Variants in SIRPB2 observed in about 807,000 individuals in gnomAD.
SIRPB2 encodes signal regulatory protein beta 2.
SIRPB2 carries 18 observed loss-of-function variants against 27.1 expected under a neutral mutation model. The ratio of observed to expected loss-of-function variants is 0.66; its 90% confidence interval spans 0.46 to 0.98. SIRPB2 has a LOEUF of 0.98. Among genes scored for constraint, SIRPB2 ranks in the 50% least tolerant of loss-of-function variants. SIRPB2 has a pLI of 0.00. For synonymous variants in SIRPB2, 150 were observed against 164.6 expected, an observed-to-expected ratio of 0.91 and a Z score of 0.68; for missense variants, 420 against 417.4, an observed-to-expected ratio of 1.01 and a Z score of -0.06.
At position 1,478,532 on chromosome 20, in the gene SIRPB2, A is replaced by T. The variant is rs2090633603; in HGVS notation, c.527T>A (p.Val176Asp). Residue 176 changes from valine to aspartate, a missense_variant, in exon 3 of 5, where the codon GTC becomes GAC. By Grantham distance (152) the Val-to-Asp change is radical (BLOSUM62 -3). Transcript: ENST00000359801. ...ELVLGTTGDTVFLNCTVLGDG... is the reference protein window; with the variant it reads ...ELVLGTTGDTDFLNCTVLGDG... ...TCCAAGCACTGTGCAGTTCAGAAAG[A>T]CAGTGTCTCCAGTGGTCCCCAACAC... The T allele has an allele frequency of 4.3e-6, 7 of 1,613,638 alleles. No homozygotes were observed. The highest frequency in any genetic ancestry group is 5.1e-6 in the Non-Finnish European group (6 of 1,179,740).
Position 1,478,521 on chromosome 20 carries a change from A to C in SIRPB2, c.538T>G (p.Cys180Gly), listed in dbSNP as rs972658893. 6.2e-7 allele frequency: 1 copy of C among 1,613,916 alleles called. No homozygotes were observed. The highest frequency in any genetic ancestry group is 8.5e-7 in the Non-Finnish European group (1 of 1,179,906). ...GGGGGACCGTCTCCAAGCACTGTGCAGTTCAGAAAGACAGTGTCTCCAGTG... is the reference window on the plus strand; with the variant it reads ...GGGGGACCGTCTCCAAGCACTGTGCCGTTCAGAAAGACAGTGTCTCCAGTG... Reference protein sequence around the residue: ...GTTGDTVFLNCTVLGDGPPGP... With the variant: ...GTTGDTVFLNGTVLGDGPPGP... Residue 180 changes from cysteine to glycine, a missense_variant, in exon 3 of 5, where the codon TGC becomes GGC. Physicochemically the swap from Cys to Gly is radical, Grantham distance 159. Transcript: ENST00000359801.
At position 1,479,843 on chromosome 20, in the gene SIRPB2, G is replaced by T. The variant is rs1315566488; in HGVS notation, c.308C>A (p.Ser103Ter). The part of the protein sequence containing the change: ...PGVMPMIQRT[S>*]EPLNCDYSIY... ...GGAATAATCACAATTCAGTGGTTCTGATGTCCGTTGGATCATGGGCATTAC... is the reference window on the plus strand; with the variant it reads ...GGAATAATCACAATTCAGTGGTTCTTATGTCCGTTGGATCATGGGCATTAC... Residue 103 changes from serine to a stop codon, truncating the protein, a stop_gained, in exon 2 of 5, where the codon TCA becomes TAA. Transcript: ENST00000359801. LOFTEE classifies it high-confidence loss of function. 2.5e-6 allele frequency: 4 copies of T among 1,614,234 alleles called. No homozygotes were observed. Among genetic ancestry groups the T allele is most frequent in the Non-Finnish European group, 3.4e-6 (4 of 1,180,036 alleles).
At chr20:1,483,990 A>T (rs2090699790) in intron 1 of SIRPB2, among the ~76,000 whole-genome samples, 1 of 152,240 alleles carries the variant, frequency 6.6e-6, no homozygotes, top group African/African-American at 2.4e-5. Flanking sequence ...TAATAGACCA[A>T]GGGCATAGAA....
In SIRPB2 at chr20:1,478,291, T is replaced by A. The variant is rs1475508230; in HGVS notation, c.768A>T (p.Gly256=). 1 of 1,613,960 alleles carries A rather than the reference T, an allele frequency of 6.2e-7. No homozygotes were observed. Among genetic ancestry groups the A allele is most frequent in the Non-Finnish European group, 8.5e-7 (1 of 1,179,850 alleles). The part of the protein sequence containing the change: ...QRKPNRQYLS[G]QGTSLKVKAK... ...CTTTCACTTTCAGGCTGGTGCCCTG[T>A]CCAGACAGGTATTGCCTGTTGGGTT... is the stretch of plus-strand genomic sequence containing the variant. Residue 256 remains glycine (G), a synonymous_variant, in exon 3 of 5, where the codon GGA becomes GGT. Coordinates refer to ENST00000359801, the MANE Select transcript of SIRPB2 (RefSeq NM_001122962.2).
At chr20:1,471,824 G>A (rs1230788707), downstream of SIRPB2, among the ~76,000 whole-genome samples, 1 of 152,082 alleles carries the variant, frequency 6.6e-6, no homozygotes, top group Admixed American at 6.5e-5. Context: ...TAACCTGCAG[G>A]GGGAAATGGA....
chr20:1,477,164 T>G, intron 4 of SIRPB2, 174 bp downstream of exon 4: 1 of 1,579,572 alleles, frequency 6.3e-7, no homozygotes, highest in Non-Finnish European at 8.6e-7. Context: ...AGCTGAGCTG[T>G]TATAACATGG....
At chr20:1,485,994 A>T (rs1018291050) in intron 1 of SIRPB2, among the ~76,000 whole-genome samples, 3 of 152,068 alleles carry the variant, frequency 2.0e-5, no homozygotes, top group Non-Finnish European at 2.9e-5. Context: ...ATCTGTTATT[A>T]AAAATCTTCC....
chr20:1,477,160 G>C (rs1249155735), intron 4 of SIRPB2, 178 bp downstream of exon 4: 1 of 1,573,082 alleles, frequency 6.4e-7, no homozygotes, highest in East Asian at 2.3e-5. Context: ...TTATAGCTGA[G>C]CTGTTATAAC....
At chr20:1,476,925 C>T in intron 4 of SIRPB2, 4 of 1,176,736 alleles carry the variant, frequency 3.4e-6, no homozygotes, top group Non-Finnish European at 4.3e-6. Flanking sequence ...TTGTCCCCTC[C>T]CCGCTAGTTC....
rs1275589403 is a variant in SIRPB2 at position 1,491,332 on chromosome 20, A to T, written c.28T>A (p.Cys10Ser). The stretch of plus-strand genomic sequence containing the variant: ...AAGCAGGGAGGCAAGTGGGCCAGGC[A>T]GGTGGGGGCCGACATCGTGGAGCAC... MCSTMSAPT[C>S]LAHLPPCFLL... The change falls in exon 1 of 5, where the codon TGC becomes AGC. Residue 10 changes from cysteine to serine, a missense_variant. Physicochemically the swap from Cys to Ser is moderately radical, Grantham distance 112. Coordinates refer to ENST00000359801, the MANE Select transcript of SIRPB2 (RefSeq NM_001122962.2). 6.2e-7 allele frequency: 1 copy of T among 1,610,898 alleles called. No individual in the cohort carries two copies. The highest frequency in any genetic ancestry group is 8.5e-7 in the Non-Finnish European group (1 of 1,178,874).
chr20:1,485,444 T>C (rs1470301296), intron 1 of SIRPB2, among the ~76,000 whole-genome samples: 1 of 151,972 alleles, frequency 6.6e-6, no homozygotes, highest in Middle Eastern at 3.2e-3. Flanking sequence ...AATATAAAAA[T>C]TTGCGGGATT....
downstream of SIRPB2, chr20:1,473,062 C>T (rs1319087006): frequency 6.6e-6 from 1 of 152,462 alleles, no homozygotes; most frequent in East Asian, 1.9e-4. Context: ...TTCCTTCCCC[C>T]TCCTCCTGCG....
chr20:1,472,083 A>T (rs192789902), downstream of SIRPB2, among the ~76,000 whole-genome samples: 228 of 152,278 alleles, frequency 1.5e-3, 2 homozygotes, highest in African/African-American at 5.3e-3. Context: ...AAGGCATCAG[A>T]TCTGAAGGCC....
chr20:1,473,816 C>T (rs1290225084), downstream of SIRPB2: 1 of 456,276 alleles, frequency 2.2e-6, no homozygotes, highest in South Asian at 1.5e-5. Flanking sequence ...GAACCACCTC[C>T]ATGCTTTCCT....
chr20:1,478,805 TG>T (rs1413795193), intron 2 of SIRPB2, among the ~76,000 whole-genome samples, 198 bp from the exon 3 acceptor site: 3 of 152,188 alleles, frequency 2.0e-5, no homozygotes, highest in Non-Finnish European at 2.9e-5. Flanking sequence ...ATGGTAGGAT[TG>T]GGGAACATGA....
At chr20:1,472,319 T>C (rs942345136), downstream of SIRPB2, among the ~76,000 whole-genome samples, 14 of 152,168 alleles carry the variant, frequency 9.2e-5, no homozygotes, top group Non-Finnish European at 1.8e-4. Flanking sequence ...TCATCTTTTG[T>C]TATATTTGTC....
chr20:1,490,473 C>T (rs2090767002), intron 1 of SIRPB2, among the ~76,000 whole-genome samples: 1 of 152,146 alleles, frequency 6.6e-6, no homozygotes, highest in Non-Finnish European at 1.5e-5. Context: ...AGAGGCTGAG[C>T]TATATATTCA....
intron 1 of SIRPB2, among the ~76,000 whole-genome samples, chr20:1,483,553 G>A (rs1281003468): frequency 6.6e-6 from 1 of 152,144 alleles, no homozygotes; most frequent in Non-Finnish European, 1.5e-5. Flanking sequence ...TTTGGGAAAT[G>A]TTTATTCATT....
downstream of SIRPB2, chr20:1,472,570 T>A (rs1242730070): frequency 6.6e-6 from 1 of 152,158 alleles, no homozygotes; most frequent in Admixed American, 6.5e-5. Flanking sequence ...AATGAAATAA[T>A]GTAACTATAA....
Sources: allele counts gnomAD v4.1 joint callset (sites outside exome capture counted in the v4.1 genomes callset), GRCh38; gene constraint gnomAD v4.1.1; transcripts MANE v1.5; gene names NCBI Gene and HGNC (gene_info 2026-07-23, HGNC 2026-07-21).